Variants in SPARC observed in about 807,000 individuals in gnomAD.
SPARC encodes the protein secreted protein acidic and cysteine rich, also known as basement-membrane protein 40.
A neutral mutation model predicts 37.7 loss-of-function variants in SPARC; 23 were observed. The ratio of observed to expected loss-of-function variants is 0.61; its 90% CI spans 0.44 to 0.87. The LOEUF (loss-of-function observed/expected upper bound fraction) is 0.87, where lower values mean the gene tolerates loss of function less well. SPARC is among the 40% of genes least tolerant of loss of function. The probability of loss-of-function intolerance (pLI) is 0.00; values close to 1 mark genes in which losing one functional copy is unlikely to be tolerated. For synonymous variants in SPARC, 155 were observed against 150.8 expected (o/e 1.03, Z -0.20); for missense variants, 312 against 389.0 (o/e 0.80, Z 1.66).
At chr5:151,684,889 T>A (rs1444855667) in intron 1 of SPARC, among the ~76,000 whole-genome samples, 2 of 152,134 alleles carry the variant, frequency 1.3e-5, no homozygotes, top group Non-Finnish European at 2.9e-5. Flanking sequence ...CAAACACCCT[T>A]GCAAGGAGAT....
chr5:151,664,304 C>T (rs1042186874), intron 8 of SPARC, 69 bp from the exon 9 acceptor site: 13 of 1,482,220 alleles, frequency 8.8e-6, no homozygotes, highest in Admixed American at 3.8e-5. Flanking sequence ...GGGAGGCAAC[C>T]GGGGAGTTAG....
In SPARC at chr5:151,671,859, C is replaced by T. The variant is rs1481481102; in HGVS notation, c.209-165G>A. On this transcript the variant is annotated intron_variant, in intron 4 of 9. Transcript: ENST00000231061. ...CTCTTGCACTGAGCCTCACAGTCAA[C>T]ATTTAGGGCAGCAGCTGGTTCAGCC... 12 of 787,386 alleles carry T rather than the reference C, an allele frequency of 1.5e-5. No homozygotes were observed. In the African/African-American group the frequency reaches 2.0e-4, roughly 13 times the overall value. The allele number at this position is 787,386 out of a possible 1,614,324, so 48.8% of individuals were successfully genotyped here.
intron 1 of SPARC, among the ~76,000 whole-genome samples, chr5:151,683,650 G>C (rs981677804): frequency 9.2e-5 from 14 of 152,228 alleles, no homozygotes; most frequent in African/African-American, 3.1e-4. Flanking sequence ...GGCTGCAAGT[G>C]GCGGTGTGTG....
intron 1 of SPARC, 65 bp from the exon 2 acceptor site, chr5:151,676,266 A>C: frequency 9.1e-7 from 1 of 1,102,680 alleles, no homozygotes; most frequent in Non-Finnish European, 1.4e-6. Context: ...TTCCTTCTGA[A>C]TTCCTGATAT....
At chr5:151,672,936 C>T (rs1391313742) in intron 4 of SPARC, 193 bp downstream of exon 4, 1 of 590,708 alleles carries the variant, frequency 1.7e-6, no homozygotes, top group Non-Finnish European at 3.1e-6. Context: ...GGAAACCGAT[C>T]TTGCCCAGAT....
intron 4 of SPARC, chr5:151,672,869 G>A: frequency 1.0e-5 from 5 of 490,242 alleles, no homozygotes; most frequent in Non-Finnish European, 1.9e-5. Flanking sequence ...AGCTATGAGG[G>A]GAGAAGCCCA....
At position 151,669,757 on chromosome 5, in the gene SPARC, C is replaced by A; in HGVS notation, c.358G>T (p.Asp120Tyr). 6.2e-7 allele frequency: 1 copy of A among 1,614,180 alleles called. No individual in the cohort carries two copies. The highest frequency in any genetic ancestry group is 8.5e-7 in the Non-Finnish European group (1 of 1,180,024). ...KVCSNDNKTF[D>Y]SSCHFFATKC... ...GTGGCAAAGAAGTGGCAGGAAGAGTCGAAGGTCTTGTTGTCATTGCTGCAC... is the reference window on the plus strand; with the variant it reads ...GTGGCAAAGAAGTGGCAGGAAGAGTAGAAGGTCTTGTTGTCATTGCTGCAC... Residue 120 changes from aspartate (D) to tyrosine (Y), a missense_variant, in exon 6 of 10, where the codon GAC (aspartate) becomes TAC (tyrosine). By Grantham distance (160) the Asp-to-Tyr change is radical. Coordinates refer to ENST00000231061, the MANE Select transcript of SPARC (RefSeq NM_003118.4).
intron 1 of SPARC, among the ~76,000 whole-genome samples, chr5:151,678,356 G>A (rs1581529188): frequency 6.6e-6 from 1 of 152,126 alleles, no homozygotes; most frequent in African/African-American, 2.4e-5. Flanking sequence ...TGTCTGTCCT[G>A]CCTCCTCATC....
At chr5:151,664,757 G>A (rs1561915758) in intron 8 of SPARC, among the ~76,000 whole-genome samples, 1 of 152,184 alleles carries the variant, frequency 6.6e-6, no homozygotes, top group Non-Finnish European at 1.5e-5. Context: ...AATGTGGAAA[G>A]GGACTGGGAT....
chr5:151,663,608 C>G lies in SPARC; in HGVS notation c.884-9G>C. 1 of 1,613,838 alleles carries G rather than the reference C, an allele frequency of 6.2e-7. No homozygotes were observed. Among genetic ancestry groups the G allele is most frequent in the Non-Finnish European group, 8.5e-7 (1 of 1,179,842 alleles). ...ATCCTTGTCGATATCCTCTGCAAAG[C>G]AAGAAAAGAGCACGGTTAAAAATAA... On this transcript the variant is annotated splice_polypyrimidine_tract_variant and intron_variant, in intron 9 of 9. Transcript: ENST00000231061.
At chr5:151,681,614 G>A (rs1760990821) in intron 1 of SPARC, among the ~76,000 whole-genome samples, 2 of 152,242 alleles carry the variant, frequency 1.3e-5, no homozygotes, top group Non-Finnish European at 1.5e-5. Context: ...AGAGCAGGCT[G>A]GGCGCAATGG....
At chr5:151,673,012 C>T in intron 4 of SPARC, 117 bp downstream of exon 4, 1 of 769,316 alleles carries the variant, frequency 1.3e-6, no homozygotes, top group Non-Finnish European at 2.4e-6. Flanking sequence ...TCATAGCCCA[C>T]TGAGGACCCC....
At chr5:151,676,598 A>C (rs952766851) in intron 1 of SPARC, among the ~76,000 whole-genome samples, 24 of 152,200 alleles carry the variant, frequency 1.6e-4, no homozygotes, top group Admixed American at 1.1e-3. Flanking sequence ...TGGTAGTGAT[A>C]TAAAATCTGC....
At chr5:151,665,684 A>G (rs1181151645) in intron 8 of SPARC, among the ~76,000 whole-genome samples, 2 of 152,236 alleles carry the variant, frequency 1.3e-5, no homozygotes, top group Non-Finnish European at 2.9e-5. Flanking sequence ...GTGACAGGTT[A>G]TGAACAGAGT....
intron 1 of SPARC, among the ~76,000 whole-genome samples, chr5:151,677,622 G>C (rs1471626792): frequency 6.6e-6 from 1 of 152,138 alleles, no homozygotes; most frequent in African/African-American, 2.4e-5. Context: ...ACTTTGAAGT[G>C]GCAGCCTCGG....
intron 1 of SPARC, among the ~76,000 whole-genome samples, chr5:151,683,414 G>A (rs543894585): frequency 6.6e-6 from 1 of 152,332 alleles, no homozygotes; most frequent in South Asian, 2.1e-4. Flanking sequence ...GGGGGGGAAG[G>A]CAAGGTGAAT....
In SPARC at chr5:151,664,172, G is replaced by T; in HGVS notation, c.798C>A (p.Thr266=). Reference sequence around the variant, plus strand: ...GGTCACAGGTCTCGAAAAAGCGGGTGGTGCAATGCTCCATGGGGATGAGGG... The same window carrying T: ...GGTCACAGGTCTCGAAAAAGCGGGTTGTGCAATGCTCCATGGGGATGAGGG... ...RAPLIPMEHC[T]TRFFETCDLD... Residue 266 remains threonine (T), a synonymous_variant, in exon 9 of 10, where the codon ACC becomes ACA. Coordinates refer to ENST00000231061, the MANE Select transcript of SPARC (RefSeq NM_003118.4). 1.9e-6 allele frequency: 3 copies of T among 1,614,164 alleles called. No homozygotes were observed. The highest frequency in any genetic ancestry group is 2.5e-6 in the Non-Finnish European group (3 of 1,180,004).
intron 6 of SPARC, among the ~76,000 whole-genome samples, chr5:151,668,453 C>A (rs1237144005): frequency 6.6e-6 from 1 of 152,144 alleles, no homozygotes; most frequent in Non-Finnish European, 1.5e-5. Context: ...GCGCCTGACC[C>A]AGGTTCACAC....
chr5:151,671,051 T>C (rs952246561), intron 5 of SPARC, among the ~76,000 whole-genome samples: 1 of 152,170 alleles, frequency 6.6e-6, no homozygotes, highest in Non-Finnish European at 1.5e-5. Context: ...AAGGGACATA[T>C]TTGAGAGATA....
Sources: gnomAD v4.1 joint callset for allele counts (sites outside exome capture counted in the v4.1 genomes callset) on GRCh38, gnomAD v4.1.1 for gene constraint, MANE v1.5 for transcripts, NCBI Gene and HGNC (gene_info 2026-07-23, HGNC 2026-07-21) for gene names.